Variants in ANKS1A observed in about 807,000 individuals in gnomAD.
ANKS1A encodes the protein ankyrin repeat and SAM domain-containing protein 1A.
ANKS1A carries 55 observed loss-of-function variants against 120.3 expected under a neutral mutation model. The ratio of observed to expected loss-of-function variants is 0.46; its 90% CI spans 0.37 to 0.57. The LOEUF is 0.57. ANKS1A is among the 20% of genes least tolerant of loss of function. ANKS1A has a pLI of 0.00. For missense variants in ANKS1A, 1,123 were observed against 1,480.3 expected (o/e 0.76, Z 3.96); for synonymous variants, 590 against 604.7 (o/e 0.98, Z 0.36).
intron 1 of ANKS1A, among the ~76,000 whole-genome samples, chr6:34,934,029 G>A (rs937071656): frequency 2.0e-5 from 3 of 152,160 alleles, no homozygotes; most frequent in Non-Finnish European, 4.4e-5. Context: ...GTGTACGTTG[G>A]AGAATTAAAA....
chr6:34,962,514 G>A (rs953569794), intron 1 of ANKS1A, among the ~76,000 whole-genome samples: 1 of 152,064 alleles, frequency 6.6e-6, no homozygotes, highest in South Asian at 2.1e-4. Flanking sequence ...TTGGCCAGGC[G>A]CTGTGGCTCA....
chr6:35,090,130 A>G lies in ANKS1A; in HGVS notation c.*1521A>G. 3 of 1,289,404 alleles carry G rather than the reference A, an allele frequency of 2.3e-6. No homozygotes were observed. The highest frequency in any genetic ancestry group is 3.0e-6 in the Non-Finnish European group (3 of 988,848). The allele number at this position is 1,289,404 out of a possible 1,614,324, so 79.9% of individuals were successfully genotyped here. A position where few individuals can be genotyped will look rare whatever the true frequency, so the allele number is the denominator to read the frequency against. On this transcript the variant is annotated 3_prime_UTR_variant, in exon 24 of 24. Transcript: ENST00000360359. ...CCCAGCAGGTTGGGGCCTGGGACTCAGCTCTCTCTGCGGTAGAGGCAGGCC... is the reference window on the plus strand; with the variant it reads ...CCCAGCAGGTTGGGGCCTGGGACTCGGCTCTCTCTGCGGTAGAGGCAGGCC...
At chr6:35,073,108 G>A (rs1441095990) in intron 13 of ANKS1A, among the ~76,000 whole-genome samples, 2 of 152,232 alleles carry the variant, frequency 1.3e-5, no homozygotes, top group Non-Finnish European at 2.9e-5. Flanking sequence ...GGTCATGGGT[G>A]TGAAGCCCCT....
chr6:34,907,023 A>G (rs1473954699), intron 1 of ANKS1A, among the ~76,000 whole-genome samples: 1 of 152,220 alleles, frequency 6.6e-6, no homozygotes, highest in Non-Finnish European at 1.5e-5. Flanking sequence ...GATGAAAAGG[A>G]CACTTTGCCT....
intron 10 of ANKS1A, among the ~76,000 whole-genome samples, chr6:35,006,616 A>G (rs1339220129): frequency 6.6e-6 from 1 of 151,848 alleles, no homozygotes; most frequent in Non-Finnish European, 1.5e-5. Flanking sequence ...TTAGCTGGGC[A>G]TGGTAATGGG....
chr6:34,899,744 A>C (rs569109145), intron 1 of ANKS1A, among the ~76,000 whole-genome samples: 1 of 152,254 alleles, frequency 6.6e-6, no homozygotes, highest in African/African-American at 2.4e-5. Flanking sequence ...CCTGGGGAGG[A>C]GCCCCAGTCT....
chr6:34,941,321 A>G (rs1769522517), intron 1 of ANKS1A, among the ~76,000 whole-genome samples: 1 of 152,004 alleles, frequency 6.6e-6, no homozygotes, highest in Non-Finnish European at 1.5e-5. Flanking sequence ...ATTTTTTTCC[A>G]TGCTTATACA....
At chr6:34,962,879 T>A (rs763474683) in intron 1 of ANKS1A, among the ~76,000 whole-genome samples, 2 of 151,642 alleles carry the variant, frequency 1.3e-5, no homozygotes, top group African/African-American at 2.4e-5. Context: ...TTTTTTCTTT[T>A]GAGATGGGAT....
intron 10 of ANKS1A, among the ~76,000 whole-genome samples, chr6:35,009,621 G>A (rs1248102213): frequency 6.6e-6 from 1 of 152,078 alleles, no homozygotes. Flanking sequence ...AGAGAACCCA[G>A]GCTGGGCGCG....
intron 2 of ANKS1A, 57 bp downstream of exon 2, chr6:34,967,376 T>C: frequency 3.8e-6 from 6 of 1,563,414 alleles, no homozygotes; most frequent in Non-Finnish European, 5.2e-6. Context: ...GGCCTTCACG[T>C]TGCCTTTTCA....
intron 1 of ANKS1A, among the ~76,000 whole-genome samples, chr6:34,890,352 A>G (rs1397273464): frequency 6.6e-6 from 1 of 152,104 alleles, no homozygotes; most frequent in Non-Finnish European, 1.5e-5. Context: ...GGCTTCCCAA[A>G]GTGCTGGGAT....
intron 11 of ANKS1A, among the ~76,000 whole-genome samples, chr6:35,048,293 A>G (rs1448478721): frequency 1.3e-5 from 2 of 152,218 alleles, no homozygotes; most frequent in Non-Finnish European, 1.5e-5. Context: ...GGACACAGCA[A>G]TTAACATGGT....
At position 34,889,524 on chromosome 6, in the gene ANKS1A, G is replaced by A; in HGVS notation, c.122G>A (p.Gly41Glu). Residue 41 changes from glycine (G) to glutamate (E), a missense_variant, in exon 1 of 24, where the codon GGG (glycine) becomes GAG (glutamate). By Grantham distance (98) the Gly-to-Glu change is moderately conservative (BLOSUM62 -2). This residue lies in a region of ANKS1A where 73 missense variants were observed against 82.2 expected (regional missense o/e 0.89). Coordinates refer to ENST00000360359, the MANE Select transcript of ANKS1A (RefSeq NM_015245.3). This position sits in a 1 kb window ranked among gnomAD's most constrained non-coding sequence, Gnocchi z 5.5. ...GGGGGCGGCGGCGGCGGTGGCTCTG[G>A]GGGCGGCGGCGGCGGCAGCGGCGGC... The part of the protein sequence containing the change: ...GFGGGGGGGS[G>E]GGGGGSGGGG... The A allele has an allele frequency of 7.9e-7, 1 of 1,273,730 alleles. No individual in the cohort carries two copies. The highest frequency in any genetic ancestry group is 9.8e-7 in the Non-Finnish European group (1 of 1,020,376). 78.9% of individuals were successfully genotyped at this position (1,273,730 alleles called of 1,614,324 possible). A position where few individuals can be genotyped will look rare whatever the true frequency, so the allele number is the denominator to read the frequency against.
chr6:34,933,779 C>T (rs986841526), intron 1 of ANKS1A, among the ~76,000 whole-genome samples: 2 of 152,244 alleles, frequency 1.3e-5, no homozygotes, highest in African/African-American at 4.8e-5. Flanking sequence ...CTTTGACTGA[C>T]ATCTTCCAAA....
chr6:34,901,141 A>G (rs1016929984), intron 1 of ANKS1A, among the ~76,000 whole-genome samples: 2 of 152,188 alleles, frequency 1.3e-5, no homozygotes, highest in African/African-American at 4.8e-5. Flanking sequence ...ACCAGGGCCA[A>G]AGTTTGTACA....
chr6:34,981,538 G>A, intron 3 of ANKS1A, 152 bp from the exon 4 acceptor site: 4 of 771,646 alleles, frequency 5.2e-6, no homozygotes, highest in Non-Finnish European at 8.2e-6. Flanking sequence ...CTTGTTTGTG[G>A]GGGAGTATGT....
chr6:35,005,702 T>C, intron 10 of ANKS1A: 1 of 440,866 alleles, frequency 2.3e-6, no homozygotes, highest in South Asian at 1.6e-5. Context: ...TTTTTAAAGA[T>C]TTCTGACAAT....
chr6:35,088,579 C>T (rs1469687795), intron 23 of ANKS1A, 27 bp from the exon 24 acceptor site: 2 of 1,613,984 alleles, frequency 1.2e-6, no homozygotes, highest in Non-Finnish European at 1.7e-6. Context: ...TAACCCTTTC[C>T]TCCCCCCATT....
At chr6:35,087,127 C>T in intron 23 of ANKS1A, 78 bp downstream of exon 23, 1 of 1,411,306 alleles carries the variant, frequency 7.1e-7, no homozygotes, top group Non-Finnish European at 1.0e-6. Context: ...TCCGATCTTT[C>T]TGCTGTCCTC....
Sources: allele counts gnomAD v4.1 joint callset (sites outside exome capture counted in the v4.1 genomes callset), GRCh38; gene constraint gnomAD v4.1.1; regional missense constraint gnomAD v4.1.1; non-coding constraint Gnocchi (gnomAD v3.1); transcripts MANE v1.5; gene names NCBI Gene and HGNC (gene_info 2026-07-23, HGNC 2026-07-21).